NMNAT3: variants seen among roughly 807,000 people sequenced by gnomAD.
The protein encoded by NMNAT3 is nicotinamide/nicotinic acid mononucleotide adenylyltransferase 3.
In NMNAT3, 21 loss-of-function variants were observed where a neutral mutation model predicts 24.8. The observed-to-expected ratio is 0.85, with a 90% CI of 0.60 to 1.22. The LOEUF is 1.22. Among genes scored for constraint, NMNAT3 ranks in the 50% most tolerant of loss-of-function variants. The pLI, the probability that NMNAT3 is intolerant of heterozygous loss-of-function variation, is 0.00. For synonymous variants in NMNAT3, 136 were observed against 155.2 expected (o/e 0.88, Z 0.92); for missense variants, 387 against 436.6 (o/e 0.89, Z 1.01).
At chr3:139,643,277 C>A (rs1360180922) in intron 1 of NMNAT3, among the ~76,000 whole-genome samples, 1 of 152,144 alleles carries the variant, frequency 6.6e-6, no homozygotes, top group Non-Finnish European at 1.5e-5. Flanking sequence ...ATGTAAAATG[C>A]TGCAGCTGCT....
At chr3:139,630,681 A>T (rs190446571) in intron 2 of NMNAT3, among the ~76,000 whole-genome samples, 66 of 152,258 alleles carry the variant, frequency 4.3e-4, no homozygotes, top group African/African-American at 1.5e-3. Flanking sequence ...GAAGATGAAA[A>T]GCTCTCAGCC....
At chr3:139,663,966 G>GT (rs34458260) in intron 1 of NMNAT3, among the ~76,000 whole-genome samples, 3,540 of 152,294 alleles carry the variant, frequency 0.023, 47 homozygotes, top group Middle Eastern at 0.051. Context: ...CAACTACTGT[G>GT]TTTTTTCCCC....
Position 139,561,347 on chromosome 3 carries a change from G to A in NMNAT3, c.704C>T (p.Thr235Ile), listed in dbSNP as rs1936353954. ...CTTCCAGAGGTTGGGGGTCTGGAAG[G>A]TCTTCAAGACGTCTGCCCCACAGAG... The change falls in exon 7 of 7, where the codon ACC becomes ATC. Residue 235 changes from threonine (T) to isoleucine (I), a missense_variant. Coordinates refer to ENST00000643695, the MANE Select transcript of NMNAT3 (RefSeq NM_001320510.2). 1.2e-6 allele frequency: 2 copies of A among 1,613,900 alleles called. No homozygotes were observed. The highest frequency in any genetic ancestry group is 1.6e-4 in the Middle Eastern group (1 of 6,082).
At chr3:139,581,090 G>A (rs1223855980) in intron 4 of NMNAT3, among the ~76,000 whole-genome samples, 15 of 152,018 alleles carry the variant, frequency 9.9e-5, no homozygotes, top group Non-Finnish European at 2.1e-4. Flanking sequence ...ATTTAGACTG[G>A]AACTAATCAC....
chr3:139,599,874 T>C (rs2054635104), intron 3 of NMNAT3, among the ~76,000 whole-genome samples: 1 of 152,194 alleles, frequency 6.6e-6, no homozygotes, highest in South Asian at 2.1e-4. Flanking sequence ...TCTGTGTGAC[T>C]GGATTGAGGA....
At chr3:139,650,502 A>C (rs945617793) in intron 1 of NMNAT3, among the ~76,000 whole-genome samples, 7 of 152,344 alleles carry the variant, frequency 4.6e-5, no homozygotes, top group African/African-American at 1.4e-4. Context: ...ACTCACTTGT[A>C]GTTGAGTACT....
At chr3:139,568,075 T>C (rs907103880) in intron 6 of NMNAT3, 1 of 152,152 alleles carries the variant, frequency 6.6e-6, no homozygotes, top group Non-Finnish European at 1.5e-5. Flanking sequence ...CTTGGGAGGG[T>C]GTATGTGTCC....
At chr3:139,579,459 A>G (rs1939843746) in intron 4 of NMNAT3, among the ~76,000 whole-genome samples, 1 of 152,192 alleles carries the variant, frequency 6.6e-6, no homozygotes, top group Admixed American at 6.5e-5. Flanking sequence ...AAAATTATAT[A>G]TAGTTTCTTA....
intron 3 of NMNAT3, among the ~76,000 whole-genome samples, chr3:139,595,645 G>T (rs2054416333): frequency 6.6e-6 from 1 of 152,132 alleles, no homozygotes; most frequent in African/African-American, 2.4e-5. Flanking sequence ...AGAGCCCTCA[G>T]AAATAACGCC....
chr3:139,563,051 A>C (rs1936648071), intron 6 of NMNAT3, among the ~76,000 whole-genome samples: 1 of 152,170 alleles, frequency 6.6e-6, no homozygotes. Flanking sequence ...TCATTCATTC[A>C]CTTATCCATT....
At chr3:139,568,453 C>A (rs928580126) in intron 6 of NMNAT3, 3 of 152,198 alleles carry the variant, frequency 2.0e-5, no homozygotes, top group African/African-American at 7.2e-5. Context: ...AATTTTGGAT[C>A]TTTCCTGCTT....
At chr3:139,645,638 C>T (rs2056846581) in intron 1 of NMNAT3, among the ~76,000 whole-genome samples, 1 of 152,198 alleles carries the variant, frequency 6.6e-6, no homozygotes, top group Admixed American at 6.5e-5. Flanking sequence ...GGGAACCTAC[C>T]TGCTGAGTCA....
intron 3 of NMNAT3, among the ~76,000 whole-genome samples, chr3:139,603,390 A>G (rs2054799088): frequency 6.6e-6 from 1 of 152,166 alleles, no homozygotes; most frequent in African/African-American, 2.4e-5. Flanking sequence ...CAGACTTAGG[A>G]AAATATTTTA....
At chr3:139,677,117 G>A (rs926411540) in intron 1 of NMNAT3, among the ~76,000 whole-genome samples, 4 of 152,194 alleles carry the variant, frequency 2.6e-5, no homozygotes, top group Non-Finnish European at 5.9e-5. Context: ...CCCCGCCCGG[G>A]AATTCTCTAA....
chr3:139,584,205 T>C (rs1446008521), intron 3 of NMNAT3: 1 of 153,414 alleles, frequency 6.5e-6, no homozygotes, highest in African/African-American at 2.4e-5. Context: ...CTGCCTTCTT[T>C]CCTTGAGAAC....
intron 1 of NMNAT3, among the ~76,000 whole-genome samples, chr3:139,674,964 A>G (rs2057877495): frequency 6.6e-6 from 1 of 152,194 alleles, no homozygotes. Flanking sequence ...AGATGCAAAA[A>G]CAGGTTTAGA....
intron 3 of NMNAT3, among the ~76,000 whole-genome samples, chr3:139,603,677 C>T (rs545473622): frequency 1.3e-5 from 2 of 152,206 alleles, no homozygotes; most frequent in African/African-American, 4.8e-5. Context: ...CCACCGCTGC[C>T]ACTAATATGC....
chr3:139,610,777 C>T (rs768188047), intron 3 of NMNAT3, among the ~76,000 whole-genome samples: 43 of 152,312 alleles, frequency 2.8e-4, no homozygotes, highest in African/African-American at 1.0e-3. Flanking sequence ...GATTGTACTG[C>T]ACCACCTTAT....
intron 1 of NMNAT3, among the ~76,000 whole-genome samples, chr3:139,648,234 T>A (rs1270344469): frequency 6.6e-6 from 1 of 152,228 alleles, no homozygotes; most frequent in African/African-American, 2.4e-5. Context: ...CCTGCTGCCA[T>A]GTAAGACGTG....
Sources: gnomAD v4.1 joint callset for allele counts (sites outside exome capture counted in the v4.1 genomes callset) on GRCh38, gnomAD v4.1.1 for gene constraint, MANE v1.5 for transcripts, NCBI Gene and HGNC (gene_info 2026-07-23, HGNC 2026-07-21) for gene names.